The following SLC25A26 variants were observed in gnomAD, a reference collection of about 807,000 sequenced individuals.
SLC25A26 encodes solute carrier family 25 member 26, also known as mitochondrial S-adenosylmethionine carrier protein.
In SLC25A26, 36 loss-of-function variants were observed where a neutral mutation model predicts 37.8. That is an observed-to-expected ratio of 0.95 (90% CI 0.73 to 1.26). The LOEUF is 1.26. Among genes scored for constraint, SLC25A26 ranks in the 50% most tolerant of loss-of-function variants. SLC25A26 has a pLI of 0.00. For missense variants in SLC25A26, 390 were observed against 331.1 expected, an observed-to-expected ratio of 1.18 and a Z score of -1.38; for synonymous variants, 129 against 122.5, an observed-to-expected ratio of 1.05 and a Z score of -0.35.
intron 1 of SLC25A26, among the ~76,000 whole-genome samples, chr3:66,183,261 C>T (rs1204550405): frequency 6.6e-6 from 1 of 152,006 alleles, no homozygotes. Flanking sequence ...CACTCTGACA[C>T]AGGACATGAC....
intron 5 of SLC25A26, among the ~76,000 whole-genome samples, chr3:66,314,048 G>A (rs756803143): frequency 9.9e-5 from 15 of 152,230 alleles, no homozygotes; most frequent in Middle Eastern, 3.4e-3. Flanking sequence ...TCTAGAAGGA[G>A]TATCATGTCA....
At chr3:66,142,685 G>C (rs1378332570) in intron 1 of SLC25A26, among the ~76,000 whole-genome samples, 1 of 152,072 alleles carries the variant, frequency 6.6e-6, no homozygotes, top group African/African-American at 2.4e-5. Context: ...AAAATGCATA[G>C]GTTTCCCTGT....
intron 5 of SLC25A26, among the ~76,000 whole-genome samples, chr3:66,310,052 C>T (rs1459309699): frequency 6.6e-6 from 1 of 152,098 alleles, no homozygotes; most frequent in Non-Finnish European, 1.5e-5. Flanking sequence ...CCTGAATATC[C>T]TTGTTAATTT....
intron 5 of SLC25A26, among the ~76,000 whole-genome samples, chr3:66,340,387 T>C (rs939662208): frequency 2.0e-5 from 3 of 152,148 alleles, no homozygotes; most frequent in African/African-American, 7.2e-5. Flanking sequence ...TAACAGTACC[T>C]TTCGATGAGC....
chr3:66,221,665 G>C (rs1452541922), intron 1 of SLC25A26, among the ~76,000 whole-genome samples: 2 of 151,636 alleles, frequency 1.3e-5, no homozygotes, highest in South Asian at 2.1e-4. Flanking sequence ...ATAGCTCATC[G>C]GGAACGCTGC....
chr3:66,142,497 A>G (rs2070050339), intron 1 of SLC25A26, among the ~76,000 whole-genome samples: 1 of 152,198 alleles, frequency 6.6e-6, no homozygotes, highest in South Asian at 2.1e-4. Context: ...CTCATTCCAG[A>G]GATGGCCACA....
intron 5 of SLC25A26, among the ~76,000 whole-genome samples, chr3:66,305,771 G>A (rs753863412): frequency 1.1e-4 from 17 of 152,050 alleles, no homozygotes; most frequent in South Asian, 2.1e-4. Flanking sequence ...ATACATGTGC[G>A]TGTGTCTTTG....
At chr3:66,221,364 G>C (rs1232347644) in intron 1 of SLC25A26, among the ~76,000 whole-genome samples, 1 of 152,184 alleles carries the variant, frequency 6.6e-6, no homozygotes, top group East Asian at 1.9e-4. Context: ...GTGAGTCATT[G>C]TCTTTTGCAC....
intron 5 of SLC25A26, among the ~76,000 whole-genome samples, chr3:66,297,151 C>T (rs912016706): frequency 1.3e-5 from 2 of 151,844 alleles, no homozygotes; most frequent in Non-Finnish European, 2.9e-5. Context: ...ATGATGAAAC[C>T]CCTATCTCTA....
intron 3 of SLC25A26, among the ~76,000 whole-genome samples, chr3:66,251,643 G>A (rs2073089143): frequency 6.6e-6 from 1 of 152,242 alleles, no homozygotes; most frequent in East Asian, 1.9e-4. Flanking sequence ...ATCTGTGTGT[G>A]GTTATGACCT....
chr3:66,330,626 A>G (rs1187252745), intron 5 of SLC25A26, among the ~76,000 whole-genome samples: 1 of 148,874 alleles, frequency 6.7e-6, no homozygotes, highest in Non-Finnish European at 1.5e-5. Context: ...CCTTAAGTAA[A>G]TAGACAAATG....
At chr3:66,246,058 A>G (rs1188422433) in intron 3 of SLC25A26, among the ~76,000 whole-genome samples, 3 of 152,218 alleles carry the variant, frequency 2.0e-5, no homozygotes, top group Admixed American at 6.5e-5. Context: ...TATAAATGGA[A>G]TCCTACAATA....
chr3:66,204,278 T>C (rs1359545685), intron 1 of SLC25A26, among the ~76,000 whole-genome samples: 1 of 151,444 alleles, frequency 6.6e-6, no homozygotes, highest in East Asian at 1.9e-4. Context: ...ACAAAAAAAT[T>C]AGCCGGGCGT....
chr3:66,275,429 T>C (rs936881474), intron 5 of SLC25A26, among the ~76,000 whole-genome samples: 27 of 151,930 alleles, frequency 1.8e-4, no homozygotes, highest in African/African-American at 6.3e-4. Flanking sequence ...TAATTACTGC[T>C]GTCTTCCCTT....
intron 1 of SLC25A26, among the ~76,000 whole-genome samples, chr3:66,159,333 C>T (rs961216777): frequency 1.3e-5 from 2 of 152,204 alleles, no homozygotes; most frequent in African/African-American, 4.8e-5. Flanking sequence ...GGGTGATATA[C>T]TCATCCATGA....
At chr3:66,376,802 A>G (rs1439826565) in intron 9 of SLC25A26, among the ~76,000 whole-genome samples, 2 of 152,234 alleles carry the variant, frequency 1.3e-5, no homozygotes, top group Non-Finnish European at 2.9e-5. Context: ...AATGTGTCCT[A>G]TAATCCACAG....
At chr3:66,138,279 A>C (rs1469016689) in intron 1 of SLC25A26, among the ~76,000 whole-genome samples, 3 of 152,206 alleles carry the variant, frequency 2.0e-5, no homozygotes, top group Admixed American at 2.0e-4. Flanking sequence ...ATACATCTGA[A>C]GTATGGAAAT....
At chr3:66,144,639 A>G (rs962582135) in intron 1 of SLC25A26, among the ~76,000 whole-genome samples, 5 of 152,176 alleles carry the variant, frequency 3.3e-5, no homozygotes, top group Non-Finnish European at 7.3e-5. Flanking sequence ...TGTATGCAGA[A>G]TGTGAGGTTT....
chr3:66,295,211 A>G (rs894430607), intron 5 of SLC25A26, among the ~76,000 whole-genome samples: 1 of 151,142 alleles, frequency 6.6e-6, no homozygotes, highest in African/African-American at 2.5e-5. Flanking sequence ...TGGCCTTTGC[A>G]TTTTCTCAAA....
Sources: gnomAD v4.1 joint callset for allele counts (sites outside exome capture counted in the v4.1 genomes callset) on GRCh38, gnomAD v4.1.1 for gene constraint, MANE v1.5 for transcripts, NCBI Gene and HGNC (gene_info 2026-07-23, HGNC 2026-07-21) for gene names.